The following SON variants were observed in gnomAD, a reference collection of about 807,000 sequenced individuals.
The protein encoded by SON is protein SON.
Under a neutral mutation model 173.3 loss-of-function variants are expected in SON, and 4 were observed. The observed-to-expected ratio is 0.02, with a 90% CI of 0.01 to 0.05. The LOEUF is 0.05. Among genes scored for constraint, SON ranks in the 10% least tolerant of loss-of-function variants. SON has a pLI of 1.00. For synonymous variants in SON, 1,190 were observed against 1,105.9 expected (o/e 1.08, Z -1.51); for missense variants, 2,626 against 3,055.3 (o/e 0.86, Z 3.31).
chr21:33,557,739 AATTAATAAGAATAGCTGGCC>A, intron 4 of SON: 1 of 1,410,690 alleles, frequency 7.1e-7, no homozygotes, highest in Non-Finnish European at 9.3e-7. Flanking sequence ...GGAGCTTGGA[AATTAATAAGAATAGCTGGCC>A]ATTGCCTGAA....
At chr21:33,558,383 C>T (rs2086007158) in intron 4 of SON, 1 of 152,136 alleles carries the variant, frequency 6.6e-6, no homozygotes, top group Non-Finnish European at 1.5e-5. Flanking sequence ...ACTCAACCCA[C>T]AAAACATTTA....
intron 3 of SON, among the ~76,000 whole-genome samples, 187 bp from the exon 4 acceptor site, chr21:33,556,969 A>G (rs2085979630): frequency 1.3e-5 from 2 of 150,948 alleles, no homozygotes; most frequent in Admixed American, 6.6e-5. Flanking sequence ...TGGTTTGATC[A>G]TAGCTGTAAC....
intron 6 of SON, among the ~76,000 whole-genome samples, chr21:33,566,219 G>C (rs2086168173): frequency 6.6e-6 from 1 of 152,094 alleles, no homozygotes; most frequent in African/African-American, 2.4e-5. Context: ...TTTCTTGTGT[G>C]AGATAACTAG....
At position 33,551,231 on chromosome 21, in the gene SON, T is replaced by A; in HGVS notation, c.2000T>A (p.Met667Lys). Residue 667 changes from methionine to lysine, a missense_variant, in exon 3 of 12, where the codon ATG becomes AAG. Coordinates refer to ENST00000356577, the MANE Select transcript of SON (RefSeq NM_138927.4). ...SVVTTSELST[M>K]TVSQSLEVPS... Reference sequence around the variant, plus strand: ...GTGACAACATCGGAGCTGTCAACGATGACCGTGTCGCAGTCCCTGGAGGTG... The same window carrying A: ...GTGACAACATCGGAGCTGTCAACGAAGACCGTGTCGCAGTCCCTGGAGGTG... The A allele has an allele frequency of 6.2e-7, 1 of 1,614,128 alleles. No individual in the cohort carries two copies. Among genetic ancestry groups the A allele is most frequent in the South Asian group, 1.1e-5 (1 of 91,092 alleles).
Position 33,546,327 on chromosome 21 carries a change from G to A in SON, c.192G>A (p.Lys64=). 6.2e-7 allele frequency: 1 copy of A among 1,613,608 alleles called. No homozygotes were observed. The highest frequency in any genetic ancestry group is 1.1e-5 in the South Asian group (1 of 90,982). ...RSLPNEEIVQ[K]IEEVLSGVLD... is the part of the protein sequence containing the mutation. ...TACCAAATGAAGAAATAGTGCAGAA[G>A]ATAGAGGAAGTACTTTCTGGGGTCT... Residue 64 remains lysine (K), a synonymous_variant, in exon 2 of 12, where the codon AAG becomes AAA. Transcript: ENST00000356577.
chr21:33,564,224 A>G (rs1346971792), intron 6 of SON, among the ~76,000 whole-genome samples: 2 of 152,144 alleles, frequency 1.3e-5, no homozygotes, highest in East Asian at 1.9e-4. Context: ...CTAAAGCTCT[A>G]TTGTCCAATA....
In SON at chr21:33,557,506, C is replaced by A. The variant is rs188229737; in HGVS notation, c.6321+190C>A. ...GCCATTATCCGGGATGGCTAAGCTC[C>A]GCTAGCTAAAAGTTACTTCCCATTA... On this transcript the variant is annotated intron_variant, in intron 4 of 11. Coordinates refer to ENST00000356577, the MANE Select transcript of SON (RefSeq NM_138927.4). 1.4e-3 allele frequency: 2,170 copies of A among 1,550,818 alleles called. 8 individuals carry two copies. Among genetic ancestry groups the A allele is most frequent in the Non-Finnish European group, 1.7e-3 (1,944 of 1,146,922 alleles).
At chr21:33,543,208 T>G in intron 1 of SON, 39 bp downstream of exon 1, 1 of 1,548,074 alleles carries the variant, frequency 6.5e-7, no homozygotes, top group Non-Finnish European at 8.9e-7. Context: ...CAACGGACCG[T>G]TAGGCCCTCA....
chr21:33,556,528 T>C (rs912629852), intron 3 of SON, among the ~76,000 whole-genome samples: 7 of 151,632 alleles, frequency 4.6e-5, no homozygotes, highest in Admixed American at 3.9e-4. Context: ...GCCTGGCCAA[T>C]GTGGAGAAAC....
At position 33,552,526 on chromosome 21, in the gene SON, G is replaced by T. The variant is rs2085827754; in HGVS notation, c.3295G>T (p.Ala1099Ser). The change falls in exon 3 of 12, where the codon GCT (alanine) becomes TCT (serine). Residue 1099 changes from alanine (A) to serine (S), a missense_variant. This residue lies in a region of SON where 366 missense variants were observed against 448.6 expected (regional missense o/e 0.82). Coordinates refer to ENST00000356577, the MANE Select transcript of SON (RefSeq NM_138927.4). This position sits in a 1 kb window ranked among gnomAD's most constrained non-coding sequence, Gnocchi z 5.6. ...GTCTATGATGTCGTCATACTCTGCT[G>T]CTGACCGGTCTATGATGTCATCGTA... is the stretch of plus-strand genomic sequence containing the variant. The part of the protein sequence containing the change: ...DRSMMSSYSA[A>S]DRSMMSSYSA... The T allele has an allele frequency of 6.2e-7, 1 of 1,613,896 alleles. No homozygotes were observed. Among genetic ancestry groups the T allele is most frequent in the African/African-American group, 1.3e-5 (1 of 74,820 alleles).
rs1359301620 is a variant in SON, at chr21:33,550,172, C to G, written c.941C>G (p.Thr314Ser). Residue 314 changes from threonine (T) to serine (S), a missense_variant, in exon 3 of 12, where the codon ACT becomes AGT. Thr to Ser is a moderately conservative substitution (Grantham distance 58). Transcript: ENST00000356577. Reference sequence around the variant, plus strand: ...CTTGTGGTATCATCAGAGACACCTACTGAGGTGTACCCTGAGCCAAGCACA... The same window carrying G: ...CTTGTGGTATCATCAGAGACACCTAGTGAGGTGTACCCTGAGCCAAGCACA... The part of the protein sequence containing the change: ...ETLVVSSETP[T>S]EVYPEPSTST... The G allele has an allele frequency of 7.4e-6, 12 of 1,614,020 alleles. No homozygotes were observed. Among genetic ancestry groups the G allele is most frequent in the Non-Finnish European group, 1.0e-5 (12 of 1,179,966 alleles).
intron 9 of SON, 94 bp downstream of exon 9, chr21:33,573,549 CT>C: frequency 6.3e-6 from 7 of 1,109,242 alleles, no homozygotes; most frequent in Non-Finnish European, 3.9e-6. Context: ...ACTGAAGGCA[CT>C]TCTTGTATAT....
At chr21:33,558,955 TCTA>T (rs1175134211) in intron 4 of SON, 1 of 235,114 alleles carries the variant, frequency 4.3e-6, no homozygotes, top group African/African-American at 2.3e-5. Flanking sequence ...GACCATGTCT[TCTA>T]CTTTTTTTTT....
At position 33,551,532 on chromosome 21, in the gene SON, A is replaced by G. The variant is rs144550986; in HGVS notation, c.2301A>G (p.Ala767=). ...GCACCATGGACTCCCAGATGTTAGC[A>G]ACTAGCTCCATGGACTCCCAGATGT... ...ASSTMDSQML[A]TSSMDSQMLA... The change falls in exon 3 of 12, where the codon GCA becomes GCG. Residue 767 remains alanine, a synonymous_variant. Coordinates refer to ENST00000356577, the MANE Select transcript of SON (RefSeq NM_138927.4). 9 of 1,613,032 alleles carry G rather than the reference A, an allele frequency of 5.6e-6. No individual in the cohort carries two copies. Among genetic ancestry groups the G allele is most frequent in the African/African-American group, 1.3e-5 (1 of 74,746 alleles).
chr21:33,543,826 A>C (rs1195433262), intron 1 of SON, among the ~76,000 whole-genome samples: 1 of 152,262 alleles, frequency 6.6e-6, no homozygotes, highest in Non-Finnish European at 1.5e-5. Flanking sequence ...GCGATTAATT[A>C]CAGCAAGTGA....
Position 33,551,227 on chromosome 21 carries a change from A to G in SON, c.1996A>G (p.Thr666Ala), listed in dbSNP as rs1304929344. The G allele has an allele frequency of 1.5e-5, 25 of 1,614,010 alleles. No homozygotes were observed. The highest frequency in any genetic ancestry group is 2.0e-5 in the Non-Finnish European group (24 of 1,179,996). ...QSVVTTSELS[T>A]MTVSQSLEVP... Reference sequence around the variant, plus strand: ...TGTGGTGACAACATCGGAGCTGTCAACGATGACCGTGTCGCAGTCCCTGGA... The same window carrying G: ...TGTGGTGACAACATCGGAGCTGTCAGCGATGACCGTGTCGCAGTCCCTGGA... The change falls in exon 3 of 12, where the codon ACG becomes GCG. Residue 666 changes from threonine to alanine, a missense_variant. Around this residue, in one of 13 missense-constraint regions of SON, gnomAD observed 182 missense variants for 193.6 expected, o/e 0.94. Coordinates refer to ENST00000356577, the MANE Select transcript of SON (RefSeq NM_138927.4).
chr21:33,574,440 G>C (rs1257013789), intron 9 of SON, among the ~76,000 whole-genome samples: 1 of 152,168 alleles, frequency 6.6e-6, no homozygotes, highest in Non-Finnish European at 1.5e-5. Context: ...AGCTCTCAGA[G>C]AACCACAGAT....
Position 33,552,529 on chromosome 21 carries a change from G to C in SON, c.3298G>C (p.Asp1100His). Residue 1100 changes from aspartate (D) to histidine (H), a missense_variant, in exon 3 of 12, where the codon GAC becomes CAC. Asp to His is a moderately conservative substitution (Grantham distance 81). Transcript: ENST00000356577. This position sits in a 1 kb window ranked among gnomAD's most constrained non-coding sequence, Gnocchi z 5.6. ...TATGATGTCGTCATACTCTGCTGCTGACCGGTCTATGATGTCATCGTACTC... is the reference window on the plus strand; with the variant it reads ...TATGATGTCGTCATACTCTGCTGCTCACCGGTCTATGATGTCATCGTACTC... Reference protein sequence around the residue: ...RSMMSSYSAADRSMMSSYSAA... With the variant: ...RSMMSSYSAAHRSMMSSYSAA... 1 of 1,614,050 alleles carries C rather than the reference G, an allele frequency of 6.2e-7. No individual in the cohort carries two copies. The highest frequency in any genetic ancestry group is 8.5e-7 in the Non-Finnish European group (1 of 1,179,996).
rs1399385561 is a variant in SON at position 33,553,411 on chromosome 21, C to T, written c.4180C>T (p.Pro1394Ser). The change falls in exon 3 of 12, where the codon CCT becomes TCT. Residue 1394 changes from proline (P) to serine (S), a missense_variant. Pro to Ser is a moderately conservative substitution (Grantham distance 74, BLOSUM62 -1). Around this residue, in one of 13 missense-constraint regions of SON, gnomAD observed 1,006 missense variants for 895.6 expected, o/e 1.12. Transcript: ENST00000356577. ...LEPSVVTVPE[P>S]PVVAEPDYVT... is the part of the protein sequence containing the mutation. The stretch of plus-strand genomic sequence containing the variant: ...GCCTTCGGTTGTGACTGTCCCGGAG[C>T]CTCCTGTTGTGGCTGAGCCAGACTA... 1 of 1,613,826 alleles carries T rather than the reference C, an allele frequency of 6.2e-7. No individual in the cohort carries two copies. The highest frequency in any genetic ancestry group is 8.5e-7 in the Non-Finnish European group (1 of 1,179,788).
Sources: allele counts gnomAD v4.1 joint callset (sites outside exome capture counted in the v4.1 genomes callset), GRCh38; gene constraint gnomAD v4.1.1; regional missense constraint gnomAD v4.1.1; non-coding constraint Gnocchi (gnomAD v3.1); transcripts MANE v1.5; gene names NCBI Gene and HGNC (gene_info 2026-07-23, HGNC 2026-07-21).